RABGGTA: variants seen among roughly 807,000 people sequenced by gnomAD.
RABGGTA encodes the protein Rab geranylgeranyltransferase subunit alpha, also known as geranylgeranyl transferase type-2 subunit alpha.
Under a neutral mutation model 83.3 loss-of-function variants are expected in RABGGTA, and 69 were observed. The ratio of observed to expected loss-of-function variants is 0.83; its 90% CI spans 0.68 to 1.01. The LOEUF is 1.01. RABGGTA is among the 50% of genes least tolerant of loss of function. The pLI is 0.00. For synonymous variants in RABGGTA, 310 were observed against 299.8 expected (o/e 1.03, Z -0.35); for missense variants, 681 against 712.7 (o/e 0.96, Z 0.51).
intron 14 of RABGGTA, 118 bp from the exon 15 acceptor site, chr14:24,267,007 G>T (rs2040882569): frequency 1.4e-6 from 1 of 720,848 alleles, no homozygotes; most frequent in Admixed American, 2.2e-5. Context: ...GGGGACCCCA[G>T]CCAAGAAGAG....
At chr14:24,265,834 G>A (rs2040866864) in intron 16 of RABGGTA, 71 bp from the exon 17 acceptor site, 11 of 1,488,136 alleles carry the variant, frequency 7.4e-6, no homozygotes, top group African/African-American at 1.4e-5. Flanking sequence ...ACCCTCAAGA[G>A]CTGGGGACTG....
chr14:24,266,884 C>A lies in RABGGTA; in HGVS notation c.1359G>T (p.Leu453=). ...GCTGTTCCAGATGGCAGAGCACTGT[C>A]AGATCCTGGGGGGTGAAGGGAGGAA... ...VRVLHLAHKD[L]TVLCHLEQLL... Residue 453 remains leucine, a synonymous_variant, in exon 15 of 17, where the codon CTG becomes CTT. Coordinates refer to ENST00000216840, the MANE Select transcript of RABGGTA (RefSeq NM_182836.3). 2 of 1,613,022 alleles carry A rather than the reference C, an allele frequency of 1.2e-6. No individual in the cohort carries two copies. Among genetic ancestry groups the A allele is most frequent in the South Asian group, 2.2e-5 (2 of 91,034 alleles).
chr14:24,270,491 A>G, intron 3 of RABGGTA, 33 bp from the exon 4 acceptor site: 2 of 1,612,578 alleles, frequency 1.2e-6, no homozygotes, highest in Non-Finnish European at 8.5e-7. Context: ...TAGAGATCAT[A>G]TAATTTTCCC....
intron 2 of RABGGTA, 79 bp downstream of exon 2, chr14:24,271,034 T>C: frequency 1.3e-6 from 2 of 1,592,026 alleles, no homozygotes; most frequent in Non-Finnish European, 1.7e-6. Context: ...CCTAGGTTCA[T>C]ACGGGGCAAC....
chr14:24,270,394 G>C lies in RABGGTA; in HGVS notation c.179C>G (p.Pro60Arg), dbSNP rs771364369. ...ELTSQILGAN[P>R]DFATLWNCRR... The stretch of plus-strand genomic sequence containing the variant: ...GCAGTTCCAGAGGGTGGCAAAATCA[G>C]GGTTGGCTCCCAGAATCTGGCTTGT... Residue 60 changes from proline to arginine, a missense_variant, in exon 4 of 17, where the codon CCT (proline) becomes CGT (arginine). Transcript: ENST00000216840. 4 of 1,614,008 alleles carry C rather than the reference G, an allele frequency of 2.5e-6. No homozygotes were observed. In the Admixed American group the frequency reaches 5.0e-5, roughly 20 times the overall value.
intron 5 of RABGGTA, 24 bp downstream of exon 5, chr14:24,269,929 G>T: frequency 6.2e-7 from 1 of 1,610,038 alleles, no homozygotes; most frequent in East Asian, 2.2e-5. Flanking sequence ...GAGGGCTGTG[G>T]GGACAGAATC....
At chr14:24,269,777 C>A in intron 5 of RABGGTA, 83 bp from the exon 6 acceptor site, 2 of 1,486,194 alleles carry the variant, frequency 1.3e-6, no homozygotes, top group Non-Finnish European at 1.8e-6. Context: ...CCCTCAGGAA[C>A]CCCTAGAAAC....
chr14:24,268,459 G>C, intron 10 of RABGGTA, 39 bp from the exon 11 acceptor site: 1 of 1,595,030 alleles, frequency 6.3e-7, no homozygotes, highest in Non-Finnish European at 8.5e-7. Flanking sequence ...GCACCCTTGA[G>C]AGGAAAAGAG....
rs1445085177 is a variant in RABGGTA at position 24,269,376 on chromosome 14, A to T, written c.631+115T>A. 1.4e-5 allele frequency: 18 copies of T among 1,279,416 alleles called. 1 individual carries two copies. The Admixed American group carries it at 1.7e-4, about 12-fold the overall frequency. 79.3% of individuals were successfully genotyped at this position (1,279,416 alleles called of 1,614,324 possible). A position where few individuals can be genotyped will look rare whatever the true frequency, so the allele number is the denominator to read the frequency against. ...CTGATTCTTAAGCACCCCTGGAGCC[A>T]CGCATGAAGTAGGTGCTCAATAAAC... On this transcript the variant is annotated intron_variant, in intron 6 of 16. Coordinates refer to ENST00000216840, the MANE Select transcript of RABGGTA (RefSeq NM_182836.3).
At position 24,268,145 on chromosome 14, in the gene RABGGTA, C is replaced by G; in HGVS notation, c.1112G>C (p.Cys371Ser). The G allele has an allele frequency of 6.2e-7, 1 of 1,613,766 alleles. No individual in the cohort carries two copies. The highest frequency in any genetic ancestry group is 8.5e-7 in the Non-Finnish European group (1 of 1,179,800). Residue 371 changes from cysteine (C) to serine (S), a missense_variant, in exon 12 of 17, where the codon TGT becomes TCT. Coordinates refer to ENST00000216840, the MANE Select transcript of RABGGTA (RefSeq NM_182836.3). The part of the protein sequence containing the change: ...STVLQSELES[C>S]KELQELEPEN... ...AGGCTCCAGCTCCTGCAGCTCCTTA[C>G]AGGATTCCAGCTCAGACTGCAGCAC...
At chr14:24,268,085 A>G (rs1019998418) in intron 12 of RABGGTA, 25 bp downstream of exon 12, 13 of 1,613,152 alleles carry the variant, frequency 8.1e-6, no homozygotes, top group Non-Finnish European at 1.0e-5. Context: ...CTCTGGGAGC[A>G]GACTCTCACG....
Position 24,267,678 on chromosome 14 carries a change from C to T in RABGGTA, c.1335G>A (p.Val445=). 6.2e-7 allele frequency: 1 copy of T among 1,611,340 alleles called. No individual in the cohort carries two copies. Among genetic ancestry groups the T allele is most frequent in the Non-Finnish European group, 8.5e-7 (1 of 1,179,508 alleles). The change falls in exon 14 of 17, where the codon GTG becomes GTA. Residue 445 remains valine (V), a synonymous_variant. Transcript: ENST00000216840. ...CCCATACCTTGTGAGCCAGGTGCAG[C>T]ACACGCACCTCGGCATACTCCATCT... is the stretch of plus-strand genomic sequence containing the variant. ...VLKMEYAEVR[V]LHLAHKDLTV... is the part of the protein sequence containing the mutation.
rs776663101 is a variant in RABGGTA at position 24,271,441 on chromosome 14, C to T, written c.-55+46G>A. On this transcript the variant is annotated intron_variant, in intron 1 of 16. Transcript: ENST00000216840. ...TCCCCAAAGGTTGCCGCTACCCGCC[C>T]GTCCCACGGCTCCCGGGCACCCCCG... 5.8e-5 allele frequency: 15 copies of T among 256,502 alleles called. No homozygotes were observed. In the East Asian group the frequency reaches 7.5e-4, roughly 13 times the overall value. 15.9% of individuals were successfully genotyped at this position (256,502 alleles called of 1,614,324 possible). A position where few individuals can be genotyped will look rare whatever the true frequency, so the allele number is the denominator to read the frequency against.
At chr14:24,267,562 G>A in intron 14 of RABGGTA, 98 bp downstream of exon 14, 1 of 882,176 alleles carries the variant, frequency 1.1e-6, no homozygotes, top group Non-Finnish European at 1.8e-6. Flanking sequence ...TATCTTGATT[G>A]GAAGTCCACA....
At chr14:24,267,620 G>C (rs188682213) in intron 14 of RABGGTA, 40 bp downstream of exon 14, 1 of 1,533,034 alleles carries the variant, frequency 6.5e-7, no homozygotes. Context: ...GGAGGCCAGC[G>C]GGATGAGGGC....
At position 24,265,579 on chromosome 14, in the gene RABGGTA, A is replaced by T. The variant is rs367834391; in HGVS notation, c.*36T>A. On this transcript the variant is annotated 3_prime_UTR_variant, in exon 17 of 17. Coordinates refer to ENST00000216840, the MANE Select transcript of RABGGTA (RefSeq NM_182836.3). The stretch of plus-strand genomic sequence containing the variant: ...GCCTCTCCATTCTTTATTCAGTCCC[A>T]ATAAGTTAAAGGGCAAGGGTAGGGG... 6.2e-7 allele frequency: 1 copy of T among 1,602,536 alleles called. No individual in the cohort carries two copies. Among genetic ancestry groups the T allele is most frequent in the Non-Finnish European group, 8.5e-7 (1 of 1,172,908 alleles).
chr14:24,268,905 A>C lies in RABGGTA; in HGVS notation c.798+6T>G, dbSNP rs780840337. On this transcript the variant is annotated splice_donor_region_variant and intron_variant, in intron 8 of 16. Transcript: ENST00000216840. ...CAGTGCTCTTGACAAAAGCTGCAGG[A>C]CTCACTAAGAGGGGCCGAGAGAAGG... 6.3e-7 allele frequency: 1 copy of C among 1,582,896 alleles called. No individual in the cohort carries two copies.
Position 24,268,844 on chromosome 14 carries a change from G to T in RABGGTA, c.799-18C>A, listed in dbSNP as rs1459849923. 4 of 1,564,370 alleles carry T rather than the reference G, an allele frequency of 2.6e-6. No homozygotes were observed. Among genetic ancestry groups the T allele is most frequent in the Non-Finnish European group, 3.5e-6 (4 of 1,154,494 alleles). On this transcript the variant is annotated intron_variant, in intron 8 of 16. Transcript: ENST00000216840. ...GAGCCCACCTGGCACAAAGGACAAA[G>T]ACTTCAGCCCCATCAGCACCAGGCC...
At chr14:24,267,089 T>G (rs2040883680) in intron 14 of RABGGTA, among the ~76,000 whole-genome samples, 200 bp from the exon 15 acceptor site, 1 of 151,612 alleles carries the variant, frequency 6.6e-6, no homozygotes, top group Admixed American at 6.6e-5. Flanking sequence ...GTGCTGCGAG[T>G]GGGGTAACCA....
Sources: gnomAD v4.1 joint callset for allele counts (sites outside exome capture counted in the v4.1 genomes callset) on GRCh38, gnomAD v4.1.1 for gene constraint, MANE v1.5 for transcripts, NCBI Gene and HGNC (gene_info 2026-07-23, HGNC 2026-07-21) for gene names.